The following ANK2 variants were observed in gnomAD, a reference collection of about 807,000 sequenced individuals.
ANK2 encodes the protein ankyrin 2.
Under a neutral mutation model 360.5 loss-of-function variants are expected in ANK2, and 83 were observed. The observed-to-expected ratio is 0.23, with a 90% CI of 0.19 to 0.28. The LOEUF is 0.28. Among genes scored for constraint, ANK2 ranks in the 10% least tolerant of loss-of-function variants. The pLI, the probability that ANK2 is intolerant of heterozygous loss-of-function variation, is 1.00. For synonymous variants in ANK2, 1,740 were observed against 1,759.5 expected, an observed-to-expected ratio of 0.99 and a Z score of 0.28; for missense variants, 4,201 against 4,795.7, an observed-to-expected ratio of 0.88 and a Z score of 3.66.
At chr4:112,833,508 A>ATTTT (rs34479387) in intron 1 of ANK2, among the ~76,000 whole-genome samples, 32 of 146,924 alleles carry the variant, frequency 2.2e-4, no homozygotes, top group African/African-American at 6.0e-4. Context: ...TGATTTATGT[A>ATTTT]TTTTTTTTTT....
intron 1 of ANK2, among the ~76,000 whole-genome samples, chr4:112,847,009 T>C (rs2063471302): frequency 6.6e-6 from 1 of 152,132 alleles, no homozygotes; most frequent in Admixed American, 6.5e-5. Flanking sequence ...ATTACATCGA[T>C]GAGGATATAG....
intron 1 of ANK2, chr4:112,827,616 C>T (rs1240149513): frequency 1.1e-6 from 1 of 880,964 alleles, no homozygotes; most frequent in East Asian, 2.4e-5. Flanking sequence ...GACCACTCTA[C>T]TCTCCATCCA....
At chr4:113,135,095 A>T (rs2096309392) in intron 1 of ANK2, among the ~76,000 whole-genome samples, 1 of 152,172 alleles carries the variant, frequency 6.6e-6, no homozygotes, top group South Asian at 2.1e-4. Context: ...GAAAATGCAC[A>T]TCTTTCTGTG....
chr4:112,932,161 C>T (rs912361401), intron 2 of ANK2, among the ~76,000 whole-genome samples: 4 of 152,046 alleles, frequency 2.6e-5, no homozygotes, highest in Admixed American at 2.6e-4. Flanking sequence ...TCAAGACCAT[C>T]CTGGCTAACA....
intron 1 of ANK2, among the ~76,000 whole-genome samples, chr4:113,109,615 G>C (rs1284050269): frequency 1.3e-5 from 2 of 152,154 alleles, no homozygotes; most frequent in Non-Finnish European, 2.9e-5. Flanking sequence ...AAAAGCTCAA[G>C]TTTGCAGGGA....
chr4:112,767,507 G>A, the ANK2 span, among the ~76,000 whole-genome samples: 1 of 151,982 alleles, frequency 6.6e-6, no homozygotes, highest in Non-Finnish European at 1.5e-5. Context: ...GTTGCAGTGA[G>A]CTGAGATTGT....
chr4:113,335,114 T>G (rs1387816382), intron 29 of ANK2, among the ~76,000 whole-genome samples: 1 of 152,188 alleles, frequency 6.6e-6, no homozygotes, highest in Non-Finnish European at 1.5e-5. Context: ...ATTTTCTAAA[T>G]TTAAACTAGT....
chr4:112,839,466 A>G (rs1423821187), intron 1 of ANK2, among the ~76,000 whole-genome samples: 2 of 152,140 alleles, frequency 1.3e-5, no homozygotes, highest in East Asian at 1.9e-4. Flanking sequence ...ATTTTGATGT[A>G]AGGTTATTAT....
chr4:113,307,194 G>C (rs562722347), intron 23 of ANK2, among the ~76,000 whole-genome samples: 21 of 152,268 alleles, frequency 1.4e-4, no homozygotes, highest in Middle Eastern at 3.4e-3. Flanking sequence ...CAGACTGGCT[G>C]AATGTTGGGA....
chr4:112,853,531 A>G (rs2065569846), intron 1 of ANK2, among the ~76,000 whole-genome samples: 1 of 151,982 alleles, frequency 6.6e-6, no homozygotes, highest in Admixed American at 6.6e-5. Context: ...AATGACTCCT[A>G]TTTGTCTCTG....
intron 4 of ANK2, among the ~76,000 whole-genome samples, chr4:113,225,379 A>C (rs2099205575): frequency 6.6e-6 from 1 of 152,146 alleles, no homozygotes; most frequent in Non-Finnish European, 1.5e-5. Flanking sequence ...GTGCCTAGGA[A>C]TAATTTTTAG....
intron 23 of ANK2, 47 bp downstream of exon 23, chr4:113,302,886 C>G (rs370708380): frequency 2.6e-6 from 4 of 1,523,922 alleles, no homozygotes; most frequent in Non-Finnish European, 2.7e-6. Context: ...TGTTCTTACA[C>G]AAGGGCAAAT....
chr4:113,079,627 T>C (rs1334125615), intron 1 of ANK2, among the ~76,000 whole-genome samples: 1 of 152,228 alleles, frequency 6.6e-6, no homozygotes, highest in Non-Finnish European at 1.5e-5. Context: ...GAAATAATTA[T>C]AATTGATTTC....
intron 1 of ANK2, among the ~76,000 whole-genome samples, chr4:113,144,896 C>T (rs939933781): frequency 6.6e-6 from 1 of 150,446 alleles, no homozygotes; most frequent in African/African-American, 2.4e-5. Flanking sequence ...ATTAGTCCCT[C>T]ACAAAGCTTT....
chr4:112,794,680 C>T, the ANK2 span, among the ~76,000 whole-genome samples: 2 of 152,194 alleles, frequency 1.3e-5, no homozygotes, highest in Admixed American at 1.3e-4. Flanking sequence ...GAAGCACTTT[C>T]TTCTGCCATT....
At chr4:113,304,635 A>G (rs1448879623) in intron 23 of ANK2, among the ~76,000 whole-genome samples, 2 of 152,224 alleles carry the variant, frequency 1.3e-5, no homozygotes, top group African/African-American at 4.8e-5. Flanking sequence ...ACATTGAGCT[A>G]GTGTGAACAT....
the ANK2 span, among the ~76,000 whole-genome samples, chr4:112,725,087 C>CTGGGCT: frequency 1.3e-5 from 2 of 151,900 alleles, no homozygotes; most frequent in African/African-American, 4.8e-5. Flanking sequence ...CAAGACCAGC[C>CTGGGCT]TGGGCAACAA....
chr4:113,372,674 T>TCTAAGAGTGA (rs2096782431), intron 43 of ANK2: 1 of 1,306,246 alleles, frequency 7.7e-7, no homozygotes, highest in Non-Finnish European at 1.1e-6. Flanking sequence ...TGTCCCCATA[T>TCTAAGAGTGA]TCTAAGAGTG....
chr4:113,249,735 TG>T (rs2153601145), intron 9 of ANK2, 28 bp from the exon 10 acceptor site: 1 of 1,608,322 alleles, frequency 6.2e-7, no homozygotes, highest in Non-Finnish European at 8.5e-7. Flanking sequence ...GAAGTGAACT[TG>T]GGCCTAATTC....
Sources: allele counts gnomAD v4.1 joint callset (sites outside exome capture counted in the v4.1 genomes callset), GRCh38; gene constraint gnomAD v4.1.1; transcripts MANE v1.5; gene names NCBI Gene and HGNC (gene_info 2026-07-23, HGNC 2026-07-21).